ADAMTS2: variants seen among roughly 807,000 people sequenced by gnomAD.
ADAMTS2 encodes ADAM metallopeptidase with thrombospondin type 1 motif 2.
In ADAMTS2, 50 loss-of-function variants were observed where a neutral mutation model predicts 123.0. The observed-to-expected ratio is 0.41, with a 90% CI of 0.32 to 0.51. The LOEUF (loss-of-function observed/expected upper bound fraction) is 0.51, where lower values mean the gene tolerates loss of function less well. ADAMTS2 is among the 20% of genes least tolerant of loss of function. The probability of loss-of-function intolerance (pLI) is 0.35; values close to 1 mark genes in which losing one functional copy is unlikely to be tolerated. For synonymous variants in ADAMTS2, 678 were observed against 695.4 expected (o/e 0.98, Z 0.39); for missense variants, 1,494 against 1,705.2 (o/e 0.88, Z 2.18).
At chr5:179,204,314 C>T (rs912205835) in intron 4 of ADAMTS2, among the ~76,000 whole-genome samples, 3 of 152,120 alleles carry the variant, frequency 2.0e-5, no homozygotes, top group East Asian at 1.9e-4. Flanking sequence ...CCGAATCGCA[C>T]GCTTAAAAAT....
At chr5:179,331,847 C>T (rs933370369) in intron 2 of ADAMTS2, among the ~76,000 whole-genome samples, 6 of 152,316 alleles carry the variant, frequency 3.9e-5, no homozygotes, top group African/African-American at 1.4e-4. Context: ...TTCCCTCACA[C>T]CAACCAGTTC....
intron 2 of ADAMTS2, among the ~76,000 whole-genome samples, chr5:179,326,201 CGTGTGTGTGTGT>C (rs60626964): frequency 2.7e-5 from 4 of 148,594 alleles, no homozygotes; most frequent in African/African-American, 1.0e-4. Flanking sequence ...TTTGTGTGTG[CGTGTGTGTGTGT>C]GTGTGTGTGT....
chr5:179,286,043 G>A, intron 2 of ADAMTS2, among the ~76,000 whole-genome samples: 1 of 152,000 alleles, frequency 6.6e-6, no homozygotes. Flanking sequence ...GTGAAACCCT[G>A]TCTCTACCAA....
intron 3 of ADAMTS2, among the ~76,000 whole-genome samples, chr5:179,257,737 G>A (rs1041418221): frequency 6.6e-6 from 1 of 152,146 alleles, no homozygotes; most frequent in African/African-American, 2.4e-5. Context: ...AGGCAGCCCT[G>A]GCCACATCCA....
intron 5 of ADAMTS2, among the ~76,000 whole-genome samples, chr5:179,169,495 G>C (rs1380299467): frequency 6.6e-6 from 1 of 152,208 alleles, no homozygotes; most frequent in Non-Finnish European, 1.5e-5. Context: ...TGGGTGAGGA[G>C]GTGGATGGAG....
rs545306699 is a variant in ADAMTS2 at position 179,226,020 on chromosome 5, G to A, written c.689-18305C>T. 3.3e-5 allele frequency among the ~76,000 whole-genome samples: 5 copies of A among 152,242 alleles called. No individual in the cohort carries two copies. The South Asian group carries it at 6.2e-4, about 19-fold the overall frequency. On this transcript the variant is annotated intron_variant, in intron 3 of 21. Transcript: ENST00000251582. ...CACCCCTAGACACTGCTGTGGGGTCGGAGCCCCACAGCCTGCCCGTCTGTA... is the reference window on the plus strand; with the variant it reads ...CACCCCTAGACACTGCTGTGGGGTCAGAGCCCCACAGCCTGCCCGTCTGTA...
rs186240131 is a variant in ADAMTS2, at chr5:179,209,001, C to G, written c.689-1286G>C. ...TCTTCCAGAACAACACTTTTCACCC[C>G]CAACGCCTCTCTCCTGCTGCCTCTT... On this transcript the variant is annotated intron_variant, in intron 3 of 21. Coordinates refer to ENST00000251582, the MANE Select transcript of ADAMTS2 (RefSeq NM_014244.5). Among the ~76,000 whole-genome samples the G allele has an allele frequency of 2.0e-4, 31 of 152,350 alleles. 1 individual carries two copies. In the East Asian group the frequency reaches 6.0e-3, roughly 29 times the overall value.
At chr5:179,274,650 G>A (rs758669808) in intron 2 of ADAMTS2, among the ~76,000 whole-genome samples, 2 of 152,212 alleles carry the variant, frequency 1.3e-5, no homozygotes, top group Non-Finnish European at 2.9e-5. Context: ...GGTGCTCGGT[G>A]AGCCCCATCC....
intron 5 of ADAMTS2, among the ~76,000 whole-genome samples, chr5:179,165,307 GAGA>G (rs1763675761): frequency 6.6e-6 from 1 of 152,224 alleles, no homozygotes; most frequent in Admixed American, 6.5e-5. Flanking sequence ...TCCCCTGAGC[GAGA>G]AGAAGACACA....
chr5:179,207,682 C>A lies in ADAMTS2; in HGVS notation c.722G>T (p.Arg241Leu), dbSNP rs11750821. 24 of 1,612,924 alleles carry A rather than the reference C, an allele frequency of 1.5e-5. No individual in the cohort carries two copies. The highest frequency in any genetic ancestry group is 3.3e-4 in the Middle Eastern group (2 of 6,062). Residue 241 changes from arginine (R) to leucine (L), a missense_variant, in exon 4 of 22, where the codon CGC (arginine) becomes CTC (leucine). Around this residue, in one of 6 missense-constraint regions of ADAMTS2, gnomAD observed 184 missense variants for 152.1 expected, o/e 1.21. Coordinates refer to ENST00000251582, the MANE Select transcript of ADAMTS2 (RefSeq NM_014244.5). ...ASLDSLDSLS[R>L]ALGVLEEHAN... ...GTGCTCCTCTAGGACGCCCAGGGCGCGGCTGAGGCTGTCCAGGCTGTCCAG... is the reference window on the plus strand; with the variant it reads ...GTGCTCCTCTAGGACGCCCAGGGCGAGGCTGAGGCTGTCCAGGCTGTCCAG...
chr5:179,289,128 C>T (rs1308166250), intron 2 of ADAMTS2, among the ~76,000 whole-genome samples: 5 of 152,184 alleles, frequency 3.3e-5, no homozygotes, highest in Admixed American at 6.5e-5. Context: ...CTGCAGGGCT[C>T]TGCTCACACC....
intron 10 of ADAMTS2, among the ~76,000 whole-genome samples, chr5:179,143,419 ACT>A (rs1763204408): frequency 6.8e-6 from 1 of 147,086 alleles, no homozygotes; most frequent in African/African-American, 2.5e-5. Context: ...GGTAACAGAG[ACT>A]CTGTCTCGAA....
At chr5:179,214,552 C>T (rs1319118644) in intron 3 of ADAMTS2, among the ~76,000 whole-genome samples, 1 of 151,982 alleles carries the variant, frequency 6.6e-6, no homozygotes, top group African/African-American at 2.4e-5. Context: ...AAGATCAAGA[C>T]TTCTTGAACA....
rs901579279 is a variant in ADAMTS2 at position 179,307,200 on chromosome 5, C to T, written c.535-34136G>A. Among the ~76,000 whole-genome samples, 4 of 152,212 alleles carry T rather than the reference C, an allele frequency of 2.6e-5. No individual in the cohort carries two copies. The highest frequency in any genetic ancestry group is 2.1e-4 in the South Asian group (1 of 4,818). On this transcript the variant is annotated intron_variant, in intron 2 of 21. Transcript: ENST00000251582. The surrounding 1 kb of genome is among the most constrained non-coding windows in gnomAD (Gnocchi z 5.6). The stretch of plus-strand genomic sequence containing the variant: ...CACTGCAGAGCTGCCCCGGCCCACG[C>T]GCCCCTGCCCTGCTGTGCTCCGCCA...
rs570038124 is a variant in ADAMTS2 at position 179,195,395 on chromosome 5, C to G, written c.891+12118G>C. Among the ~76,000 whole-genome samples, 360 of 152,348 alleles carry G rather than the reference C, an allele frequency of 2.4e-3. 5 individuals carry two copies. The highest frequency in any genetic ancestry group is 8.3e-3 in the African/African-American group (344 of 41,578). On this transcript the variant is annotated intron_variant, in intron 4 of 21. Coordinates refer to ENST00000251582, the MANE Select transcript of ADAMTS2 (RefSeq NM_014244.5). ...CTGGAAAGAACACTCAGGCCACCCACACACCAGACTTGTCCTGCAGCCGTG... is the reference window on the plus strand; with the variant it reads ...CTGGAAAGAACACTCAGGCCACCCAGACACCAGACTTGTCCTGCAGCCGTG...
chr5:179,270,906 T>C (rs1282055206), intron 3 of ADAMTS2, among the ~76,000 whole-genome samples: 1 of 152,140 alleles, frequency 6.6e-6, no homozygotes, highest in African/African-American at 2.4e-5. Flanking sequence ...TCCAGACCTA[T>C]AGCCCCAGGC....
intron 2 of ADAMTS2, among the ~76,000 whole-genome samples, chr5:179,297,016 C>T (rs1407035891): frequency 6.6e-6 from 1 of 152,126 alleles, no homozygotes; most frequent in Non-Finnish European, 1.5e-5. Context: ...AGAGCAAGTA[C>T]TAAATGACTG....
At position 179,345,402 on chromosome 5, in the gene ADAMTS2, T is replaced by A. The variant is rs1757924995; in HGVS notation, c.-74A>T. The stretch of plus-strand genomic sequence containing the variant: ...TTCCCCGCGAGCCGCCCAGCCCACA[T>A]CTGGGGGCAGCTGGAGCCGCCCGCA... On this transcript the variant is annotated 5_prime_UTR_variant, in exon 1 of 22. The change abolishes an upstream ATG in the 5' untranslated region. Transcript: ENST00000251582. The surrounding 1 kb of genome is among the most constrained non-coding windows in gnomAD (Gnocchi z 7.5). The A allele has an allele frequency of 9.4e-7, 1 of 1,060,290 alleles. No homozygotes were observed. Among genetic ancestry groups the A allele is most frequent in the Admixed American group, 5.4e-5 (1 of 18,430 alleles). 65.7% of individuals were successfully genotyped at this position (1,060,290 alleles called of 1,614,324 possible).
intron 5 of ADAMTS2, among the ~76,000 whole-genome samples, chr5:179,159,267 C>T (rs1381295919): frequency 6.6e-6 from 1 of 152,182 alleles, no homozygotes; most frequent in African/African-American, 2.4e-5. Flanking sequence ...ATGTGGACCT[C>T]ACCCCAAAGA....
Sources: gnomAD v4.1 joint callset for allele counts (sites outside exome capture counted in the v4.1 genomes callset) on GRCh38, gnomAD v4.1.1 for gene constraint, gnomAD v4.1.1 regional missense constraint, Gnocchi (gnomAD v3.1) non-coding constraint, MANE v1.5 for transcripts, NCBI Gene and HGNC (gene_info 2026-07-23, HGNC 2026-07-21) for gene names.